BCL7C: variants seen among roughly 807,000 people sequenced by gnomAD.
The protein encoded by BCL7C is B-cell CLL/lymphoma 7 protein family member C.
In BCL7C, 8 loss-of-function variants were observed where a neutral mutation model predicts 26.2. The ratio of observed to expected loss-of-function variants is 0.30; its 90% CI spans 0.18 to 0.55. BCL7C has a LOEUF of 0.55. Ranked by LOEUF, BCL7C falls within the 20% of genes least tolerant of loss-of-function variation. The pLI, the probability that BCL7C is intolerant of heterozygous loss-of-function variation, is 0.93. For synonymous variants in BCL7C, 90 were observed against 116.5 expected, an observed-to-expected ratio of 0.77 and a Z score of 1.47; for missense variants, 262 against 298.5, an observed-to-expected ratio of 0.88 and a Z score of 0.90.
intron 5 of BCL7C, among the ~76,000 whole-genome samples, chr16:30,879,706 A>AAAAAAAAAAAAAC: frequency 6.8e-6 from 1 of 147,028 alleles, no homozygotes; most frequent in Non-Finnish European, 1.5e-5. Context: ...AAAAAAAAAA[A>AAAAAAAAAAAAAC]AAACTGGGCA....
intron 5 of BCL7C, among the ~76,000 whole-genome samples, chr16:30,874,187 G>C (rs1332154288): frequency 6.6e-6 from 1 of 151,666 alleles, no homozygotes; most frequent in East Asian, 2.0e-4. Context: ...GTAGAGACAG[G>C]GTTTCACCAT....
intron 5 of BCL7C, among the ~76,000 whole-genome samples, chr16:30,844,286 G>T (rs190318128): frequency 6.7e-6 from 1 of 148,672 alleles, no homozygotes; most frequent in East Asian, 2.0e-4. Context: ...GGGGGCAGGG[G>T]TTGCAGTGAG....
At chr16:30,865,172 CAAAAAAA>C (rs529882511) in intron 5 of BCL7C, among the ~76,000 whole-genome samples, 1 of 40,836 alleles carries the variant, frequency 2.4e-5, no homozygotes, top group African/African-American at 9.3e-5. Flanking sequence ...ACCTCCAACT[CAAAAAAA>C]AAAAAAAAAA....
At chr16:30,875,687 G>C (rs996243722) in intron 5 of BCL7C, 2 of 152,242 alleles carry the variant, frequency 1.3e-5, no homozygotes, top group African/African-American at 4.8e-5. Context: ...TTTACTTTCT[G>C]TTTTTGGCAT....
Position 30,834,819 on chromosome 16 carries a change from G to T in BCL7C, c.*129C>A. On this transcript the variant is annotated 3_prime_UTR_variant, in exon 6 of 6. Coordinates refer to the BCL7C transcript ENST00000380317. The surrounding 1 kb of genome is among the most constrained non-coding windows in gnomAD (Gnocchi z 4.3). ...CTTAGGTTCGGGCAGGTGTGGGGCC[G>T]CTCGCCCTCCGATGTTACCGCGGTG... 1.0e-6 allele frequency: 1 copy of T among 954,784 alleles called. No individual in the cohort carries two copies. 59.1% of individuals were successfully genotyped at this position (954,784 alleles called of 1,614,324 possible).
At chr16:30,877,052 A>G (rs1424342247) in intron 5 of BCL7C, among the ~76,000 whole-genome samples, 1 of 152,178 alleles carries the variant, frequency 6.6e-6, no homozygotes, top group Admixed American at 6.5e-5. Context: ...AAACTCAGCC[A>G]TTAGCCTGGA....
At chr16:30,865,653 A>T (rs1057016050) in intron 5 of BCL7C, among the ~76,000 whole-genome samples, 3 of 152,042 alleles carry the variant, frequency 2.0e-5, no homozygotes, top group African/African-American at 7.2e-5. Flanking sequence ...GGTGGCAGGA[A>T]TAGTGTTACT....
Position 30,834,268 on chromosome 16 carries a change from C to G in BCL7C, c.*680G>C, listed in dbSNP as rs921896115. 2 of 152,246 alleles carry G rather than the reference C, an allele frequency of 1.3e-5. No homozygotes were observed. The highest frequency in any genetic ancestry group is 4.1e-4 in the South Asian group (2 of 4,828). The allele number at this position is 152,246 out of a possible 1,614,324, so 9.4% of individuals were successfully genotyped here. Reference sequence around the variant, plus strand: ...GAGGCGGGCGCCTGGGCTGAAAGGCCGCTTGTCCACATGGGTTCCCAGGTT... The same window carrying G: ...GAGGCGGGCGCCTGGGCTGAAAGGCGGCTTGTCCACATGGGTTCCCAGGTT... On this transcript the variant is annotated 3_prime_UTR_variant, in exon 6 of 6. Transcript: ENST00000380317. This position sits in a 1 kb window ranked among gnomAD's most constrained non-coding sequence, Gnocchi z 4.3.
intron 5 of BCL7C, among the ~76,000 whole-genome samples, chr16:30,859,892 C>A (rs1008004045): frequency 8.5e-5 from 13 of 152,330 alleles, no homozygotes; most frequent in Admixed American, 8.5e-4. Context: ...GGTGCCGAAA[C>A]CTGGGACAGG....
At chr16:30,841,842 C>T (rs148167320) in intron 5 of BCL7C, among the ~76,000 whole-genome samples, 2,915 of 151,736 alleles carry the variant, frequency 0.019, 78 homozygotes, top group African/African-American at 0.062. Flanking sequence ...GTAGTCCCAG[C>T]CACTCGGGAG....
chr16:30,835,166 G>A, intron 5 of BCL7C: 1 of 1,461,684 alleles, frequency 6.8e-7, no homozygotes, highest in Non-Finnish European at 9.1e-7. Context: ...GAGAAAAGAA[G>A]AATCTGGGTA....
At chr16:30,860,720 T>G (rs2054764251) in intron 5 of BCL7C, among the ~76,000 whole-genome samples, 1 of 152,128 alleles carries the variant, frequency 6.6e-6, no homozygotes. Context: ...CCCTCCCTAG[T>G]CTCTGCTCCC....
At chr16:30,868,989 C>T (rs2054857770) in intron 5 of BCL7C, among the ~76,000 whole-genome samples, 1 of 151,980 alleles carries the variant, frequency 6.6e-6, no homozygotes, top group African/African-American at 2.4e-5. Flanking sequence ...AAATGATCCA[C>T]CTGCCTCAGC....
intron 5 of BCL7C, among the ~76,000 whole-genome samples, chr16:30,849,868 T>G (rs186815084): frequency 4.8e-4 from 73 of 152,068 alleles, no homozygotes; most frequent in African/African-American, 1.6e-3. Flanking sequence ...TTTGTATTTT[T>G]TATTGTAGAG....
Position 30,893,313 on chromosome 16 carries a change from G to A in BCL7C, c.93-23C>T, listed in dbSNP as rs2055287059. The A allele has an allele frequency of 1.2e-6, 2 of 1,607,402 alleles. No individual in the cohort carries two copies. The highest frequency in any genetic ancestry group is 1.7e-6 in the Non-Finnish European group (2 of 1,175,512). On this transcript the variant is annotated intron_variant, in intron 1 of 5. Coordinates refer to ENST00000215115, the MANE Select transcript of BCL7C (RefSeq NM_004765.4). The surrounding 1 kb of genome is among the most constrained non-coding windows in gnomAD (Gnocchi z 5.2). ...TCCCTGTGGGAGGGTGGGGGGCTGG[G>A]TCAGAGAGGCCTGAGGGGAGACCCA... is the stretch of plus-strand genomic sequence containing the variant.
rs2055287581 is a variant in BCL7C, at chr16:30,893,334, A to T, written c.93-44T>A. The T allele has an allele frequency of 6.5e-7, 1 of 1,532,696 alleles. No homozygotes were observed. Among genetic ancestry groups the T allele is most frequent in the African/African-American group, 1.4e-5 (1 of 72,890 alleles). The allele number at this position is 1,532,696 out of a possible 1,614,324, so 94.9% of individuals were successfully genotyped here. ...CTGGGTCAGAGAGGCCTGAGGGGAGACCCACCCCCCTAGGAGCTGGACACA... is the reference window on the plus strand; with the variant it reads ...CTGGGTCAGAGAGGCCTGAGGGGAGTCCCACCCCCCTAGGAGCTGGACACA... On this transcript the variant is annotated intron_variant, in intron 1 of 5. Coordinates refer to ENST00000215115, the MANE Select transcript of BCL7C (RefSeq NM_004765.4). The surrounding 1 kb of genome is among the most constrained non-coding windows in gnomAD (Gnocchi z 5.2).
At chr16:30,846,491 T>TGCC (rs2054636799) in intron 5 of BCL7C, among the ~76,000 whole-genome samples, 1 of 152,008 alleles carries the variant, frequency 6.6e-6, no homozygotes, top group South Asian at 2.1e-4. Context: ...CCTCCCAAAG[T>TGCC]TCTGGGATTA....
At chr16:30,865,836 C>T (rs2054821226) in intron 5 of BCL7C, among the ~76,000 whole-genome samples, 1 of 150,492 alleles carries the variant, frequency 6.6e-6, no homozygotes, top group African/African-American at 2.4e-5. Context: ...AAGCGATTCT[C>T]CTGCCTCAGC....
chr16:30,876,110 G>T (rs1476458093), intron 5 of BCL7C: 5 of 152,304 alleles, frequency 3.3e-5, no homozygotes, highest in Non-Finnish European at 7.3e-5. Context: ...AAATGCAAGA[G>T]GACAGAAAGT....
Sources: gnomAD v4.1 joint callset for allele counts (sites outside exome capture counted in the v4.1 genomes callset) on GRCh38, gnomAD v4.1.1 for gene constraint, Gnocchi (gnomAD v3.1) non-coding constraint, MANE v1.5 for transcripts, NCBI Gene and HGNC (gene_info 2026-07-23, HGNC 2026-07-21) for gene names.